Variants in MTMR9 observed in about 807,000 individuals in gnomAD.
MTMR9 encodes the protein myotubularin-related protein 9.
A neutral mutation model predicts 69.5 loss-of-function variants in MTMR9; 39 were observed. The ratio of observed to expected loss-of-function variants is 0.56; its 90% CI spans 0.43 to 0.73. The LOEUF (loss-of-function observed/expected upper bound fraction) is 0.73, where lower values mean the gene tolerates loss of function less well. MTMR9 is among the 30% of genes least tolerant of loss of function. MTMR9 has a pLI of 0.00. For missense variants in MTMR9, 900 were observed against 671.2 expected (o/e 1.34, Z -3.77); for synonymous variants, 354 against 240.8 (o/e 1.47, Z -4.35).
chr8:11,291,350 A>C (rs568385163), intron 1 of MTMR9, among the ~76,000 whole-genome samples: 97 of 152,230 alleles, frequency 6.4e-4, no homozygotes, highest in Non-Finnish European at 9.4e-4. Context: ...CTTCTACCTG[A>C]AAAAACTAAG....
Position 11,300,093 on chromosome 8 carries a change from A to G in MTMR9, c.362A>G (p.Glu121Gly). ...TACCGTCCTATGTTTGAAGTGATAG[A>G]AGATGGCTGGCATTCCTTCCTTCCT... ...FFYRPMFEVI[E>G]DGWHSFLPEQ... is the part of the protein sequence containing the mutation. Residue 121 changes from glutamate to glycine, a missense_variant, in exon 3 of 10, where the codon GAA becomes GGA. Coordinates refer to ENST00000221086, the MANE Select transcript of MTMR9 (RefSeq NM_015458.4). 1.2e-6 allele frequency: 2 copies of G among 1,613,692 alleles called. No individual in the cohort carries two copies. Among genetic ancestry groups the G allele is most frequent in the East Asian group, 2.2e-5 (1 of 44,844 alleles).
chr8:11,303,272 C>G (rs1585118687), intron 3 of MTMR9, among the ~76,000 whole-genome samples: 1 of 150,650 alleles, frequency 6.6e-6, no homozygotes, highest in East Asian at 2.0e-4. Flanking sequence ...TACATTTGGA[C>G]CAACAGAAGC....
rs1159004932 is a variant in MTMR9 at position 11,307,704 on chromosome 8, C to T, written c.809+1297C>T. On this transcript the variant is annotated intron_variant, in intron 5 of 9. Transcript: ENST00000221086. ...TCCCTTTTGTCCATATTCTCAACAA[C>T]AGTTGTTAAATCTTGTCTTTTTAGT... 2.6e-5 allele frequency among the ~76,000 whole-genome samples: 4 copies of T among 152,192 alleles called. No individual in the cohort carries two copies. The South Asian group carries it at 8.3e-4, about 32-fold the overall frequency.
intron 5 of MTMR9, 31 bp downstream of exon 5, chr8:11,306,438 T>A (rs754262179): frequency 6.3e-7 from 1 of 1,588,670 alleles, no homozygotes; most frequent in Non-Finnish European, 8.6e-7. Flanking sequence ...TACAGACTCT[T>A]ATTAGAAGCT....
rs137910691 is a variant in MTMR9, at chr8:11,290,902, G to A, written c.183-4292G>A. On this transcript the variant is annotated intron_variant, in intron 1 of 9. Transcript: ENST00000221086. ...TTTTTAAAGTTGACAACTATGTTTCGACCTTTATGTTTCCATGCAATTTTG... is the reference window on the plus strand; with the variant it reads ...TTTTTAAAGTTGACAACTATGTTTCAACCTTTATGTTTCCATGCAATTTTG... Among the ~76,000 whole-genome samples the A allele has an allele frequency of 1.0e-3, 147 of 142,624 alleles. 1 individual carries two copies. In the East Asian group the frequency reaches 0.02, roughly 20 times the overall value. The allele number at this position is 142,624 out of a possible 152,430, so 93.6% of individuals were successfully genotyped here. A position where few individuals can be genotyped will look rare whatever the true frequency, so the allele number is the denominator to read the frequency against.
At chr8:11,309,245 G>T (rs1394871280) in intron 5 of MTMR9, among the ~76,000 whole-genome samples, 2 of 152,138 alleles carry the variant, frequency 1.3e-5, no homozygotes, top group African/African-American at 2.4e-5. Context: ...ATGAAACGCA[G>T]GGCTCTGGCC....
intron 2 of MTMR9, among the ~76,000 whole-genome samples, chr8:11,298,530 C>T (rs1799633309): frequency 6.6e-6 from 1 of 152,018 alleles, no homozygotes; most frequent in Non-Finnish European, 1.5e-5. Context: ...CACTGCTGAG[C>T]TGTATGTCCG....
Position 11,327,587 on chromosome 8 carries a change from G to C in MTMR9, c.*4799G>C, listed in dbSNP as rs1047950. On this transcript the variant is annotated 3_prime_UTR_variant, in exon 10 of 10. Coordinates refer to ENST00000221086, the MANE Select transcript of MTMR9 (RefSeq NM_015458.4). ...ACCATCTACACAAAAAAATGTTGTA[G>C]TTGCAGAACTTAGTTTATAAAAACA... The C allele has an allele frequency of 0.59, 89,318 of 152,516 alleles. 26,944 individuals are homozygous for C. The highest frequency in any genetic ancestry group is 0.97 in the East Asian group (5,031 of 5,182). The allele number at this position is 152,516 out of a possible 1,614,324, so 9.4% of individuals were successfully genotyped here. A position where few individuals can be genotyped will look rare whatever the true frequency, so the allele number is the denominator to read the frequency against.
chr8:11,301,817 A>G (rs559095622), intron 3 of MTMR9, among the ~76,000 whole-genome samples: 198 of 152,380 alleles, frequency 1.3e-3, no homozygotes, highest in African/African-American at 4.5e-3. Context: ...ACAGCTTAGG[A>G]GAAAATAAGT....
the MTMR9 span, among the ~76,000 whole-genome samples, chr8:11,337,471 T>G: frequency 2.5e-4 from 38 of 152,348 alleles, no homozygotes; most frequent in Admixed American, 7.8e-4. Flanking sequence ...TCCTCTACCC[T>G]CTGCCTTGCA....
downstream of MTMR9, chr8:11,332,348 T>A: frequency 1.3e-6 from 1 of 798,986 alleles, no homozygotes; most frequent in Non-Finnish European, 1.8e-6. Flanking sequence ...GGAATAAAAT[T>A]AATTGAACTA....
intron 3 of MTMR9, among the ~76,000 whole-genome samples, chr8:11,302,641 T>A (rs1799791551): frequency 6.6e-6 from 1 of 152,174 alleles, no homozygotes; most frequent in Non-Finnish European, 1.5e-5. Flanking sequence ...GCAAATCTTG[T>A]ATCATTCTCT....
rs774788652 is a variant in MTMR9 at position 11,304,965 on chromosome 8, A to T, written c.542A>T (p.His181Leu). 1 of 1,614,056 alleles carries T rather than the reference A, an allele frequency of 6.2e-7. No individual in the cohort carries two copies. ...CTTCGGAAGGTAGCTACATTTCGAC[A>T]TGGAGGGCGCTTCCCAGTACTAAGC... ...EALRKVATFR[H>L]GGRFPVLSYY... Residue 181 changes from histidine to leucine, a missense_variant, in exon 4 of 10, where the codon CAT becomes CTT. His to Leu is a moderately conservative substitution (Grantham distance 99). Transcript: ENST00000221086.
chr8:11,285,949 T>C (rs1260943696), intron 1 of MTMR9, among the ~76,000 whole-genome samples: 1 of 119,038 alleles, frequency 8.4e-6, no homozygotes, highest in Non-Finnish European at 1.7e-5. Flanking sequence ...TCTTTCTTTC[T>C]TTTTTTTTTT....
intron 9 of MTMR9, chr8:11,321,343 G>T (rs571638023): frequency 9.0e-5 from 41 of 453,262 alleles, no homozygotes; most frequent in African/African-American, 7.8e-4. Context: ...TAAACGAGAG[G>T]TTACAGTATT....
intron 8 of MTMR9, chr8:11,318,175 A>G (rs914642070): frequency 6.6e-6 from 1 of 152,208 alleles, no homozygotes; most frequent in Non-Finnish European, 1.5e-5. Context: ...AGAAGGGATC[A>G]AAATAGATTC....
chr8:11,316,309 T>C (rs1800413025), intron 7 of MTMR9: 1 of 164,410 alleles, frequency 6.1e-6, no homozygotes, highest in Non-Finnish European at 1.3e-5. Context: ...TTCTTCTTTG[T>C]ACTGAGAGCT....
At chr8:11,301,046 T>C (rs1799731083) in intron 3 of MTMR9, among the ~76,000 whole-genome samples, 1 of 152,224 alleles carries the variant, frequency 6.6e-6, no homozygotes, top group South Asian at 2.1e-4. Context: ...TAATAAACTT[T>C]ATTTGCAGAA....
In MTMR9 at chr8:11,304,893, C is replaced by T; in HGVS notation, c.470C>T (p.Ser157Phe). 6.2e-7 allele frequency: 1 copy of T among 1,614,132 alleles called. No individual in the cohort carries two copies. Among genetic ancestry groups the T allele is most frequent in the Non-Finnish European group, 8.5e-7 (1 of 1,179,978 alleles). The change falls in exon 4 of 10, where the codon TCT becomes TTT. Residue 157 changes from serine to phenylalanine, a missense_variant. Transcript: ENST00000221086. ...AATAAGGAATTTGCTGTCTGTCCCT[C>T]TTACCCACCAATTGTCACAGTGCCC... ...YVNKEFAVCP[S>F]YPPIVTVPKS...
Sources: gnomAD v4.1 joint callset for allele counts (sites outside exome capture counted in the v4.1 genomes callset) on GRCh38, gnomAD v4.1.1 for gene constraint, MANE v1.5 for transcripts, NCBI Gene and HGNC (gene_info 2026-07-23, HGNC 2026-07-21) for gene names.